BOP1: variants seen among roughly 807,000 people sequenced by gnomAD.
The protein encoded by BOP1 is ribosome biogenesis protein BOP1.
In BOP1, 54 loss-of-function variants were observed where a neutral mutation model predicts 82.9. The ratio of observed to expected loss-of-function variants is 0.65; its 90% CI spans 0.52 to 0.82. The LOEUF is 0.82. Ranked by LOEUF, BOP1 falls within the 40% of genes least tolerant of loss-of-function variation. The probability of loss-of-function intolerance (pLI) is 0.00; values close to 1 mark genes in which losing one functional copy is unlikely to be tolerated. For missense variants in BOP1, 1,170 were observed against 1,072.0 expected, an observed-to-expected ratio of 1.09 and a Z score of -1.28; for synonymous variants, 566 against 451.1, an observed-to-expected ratio of 1.25 and a Z score of -3.23.
intron 3 of BOP1, among the ~76,000 whole-genome samples, chr8:144,269,415 G>A (rs1845453384): frequency 6.6e-6 from 1 of 152,232 alleles, no homozygotes; most frequent in East Asian, 1.9e-4. Context: ...GGGAGACCAG[G>A]TGCTGTGGCC....
intron 2 of BOP1, among the ~76,000 whole-genome samples, chr8:144,288,547 A>T (rs1814947734): frequency 1.3e-5 from 2 of 152,204 alleles, no homozygotes; most frequent in African/African-American, 4.8e-5. Flanking sequence ...AAAAATAAAA[A>T]AAAATAACAA....
chr8:144,281,930 A>G (rs1169412375), intron 2 of BOP1: 1 of 152,260 alleles, frequency 6.6e-6, no homozygotes, highest in East Asian at 1.9e-4. Context: ...AAAAACAGAA[A>G]CTTCTGCACA....
intron 2 of BOP1, among the ~76,000 whole-genome samples, chr8:144,280,721 C>T (rs587758945): frequency 2.4e-4 from 37 of 152,240 alleles, no homozygotes; most frequent in Non-Finnish European, 4.6e-4. Flanking sequence ...GGCTTGGTGG[C>T]GCTCACCTGT....
intron 3 of BOP1, chr8:144,266,683 G>A (rs1430983731): frequency 1.6e-6 from 2 of 1,248,458 alleles, no homozygotes; most frequent in Non-Finnish European, 2.0e-6. Flanking sequence ...CCCGCTGTCG[G>A]AGGACGAGGA....
chr8:144,268,787 G>T (rs1422099477), intron 3 of BOP1, among the ~76,000 whole-genome samples: 1 of 152,116 alleles, frequency 6.6e-6, no homozygotes. Flanking sequence ...AGGCAGGGAC[G>T]CTGTAAGGCA....
At chr8:144,265,148 T>G in intron 3 of BOP1, 77 bp from the exon 4 acceptor site, 1 of 1,540,308 alleles carries the variant, frequency 6.5e-7, no homozygotes. Flanking sequence ...GGGGAGCAGG[T>G]GAGGGGGTTG....
chr8:144,262,458 G>A lies in BOP1; in HGVS notation c.2025C>T (p.Tyr675=). ...CGTCCGAGCCTGACGCAAAGAGTGG[G>A]TACCGCGGGTGGAAGGCCACAGCCC... ...ALRAVAFHPR[Y]PLFASGSDDG... Residue 675 remains tyrosine (Y), a synonymous_variant, in exon 15 of 16, where the codon TAC becomes TAT. Transcript: ENST00000569669. 2 of 1,612,970 alleles carry A rather than the reference G, an allele frequency of 1.2e-6. No homozygotes were observed. Among genetic ancestry groups the A allele is most frequent in the Non-Finnish European group, 1.7e-6 (2 of 1,179,842 alleles).
At chr8:144,266,458 G>C in intron 3 of BOP1, 1 of 971,102 alleles carries the variant, frequency 1.0e-6, no homozygotes, top group Non-Finnish European at 1.2e-6. Flanking sequence ...GCTCCGGCCC[G>C]GGACGCACAT....
chr8:144,267,177 G>T (rs1845392940), intron 3 of BOP1: 2 of 1,526,916 alleles, frequency 1.3e-6, no homozygotes, highest in Non-Finnish European at 8.7e-7. Flanking sequence ...ACCAGAGAAA[G>T]TTGGTGAGCA....
chr8:144,266,481 C>T (rs1386392051), intron 3 of BOP1: 3 of 984,936 alleles, frequency 3.0e-6, no homozygotes, highest in Admixed American at 6.2e-5. Flanking sequence ...GCGCGCGACG[C>T]CCGGCAGCTG....
chr8:144,278,797 C>T (rs144522608), intron 2 of BOP1, among the ~76,000 whole-genome samples: 18 of 152,338 alleles, frequency 1.2e-4, no homozygotes, highest in African/African-American at 4.1e-4. Context: ...CAGAGACAGG[C>T]TGCTATCCAA....
In BOP1 at chr8:144,263,764, GA is replaced by G. The variant is rs1443193395; in HGVS notation, c.1222-4del. ...AGGTCACTGTGGCCCCTGTAGACCT[GA>G]GGAGGCGGCGGCAGTGAGGAGTCAG... On this transcript the variant is annotated splice_polypyrimidine_tract_variant and splice_region_variant and intron_variant, in intron 9 of 15. Coordinates refer to ENST00000569669, the MANE Select transcript of BOP1 (RefSeq NM_015201.5). 5 of 1,582,422 alleles carry G rather than the reference GA, an allele frequency of 3.2e-6. No individual in the cohort carries two copies. In the Admixed American group the frequency reaches 9.0e-5, roughly 29 times the overall value.
chr8:144,277,191 G>A (rs1312733697), intron 2 of BOP1, among the ~76,000 whole-genome samples: 12 of 135,974 alleles, frequency 8.8e-5, no homozygotes, highest in African/African-American at 2.2e-4. Context: ...TCTTCTCTCC[G>A]GCCCGGGCTC....
Position 144,262,850 on chromosome 8 carries a change from C to T in BOP1, c.1894+3G>A. ...TGCAGGGTGCACCGCCCCCACCCCTCACCTGCAGGGTGCACCGCCAGGCTG... is the reference window on the plus strand; with the variant it reads ...TGCAGGGTGCACCGCCCCCACCCCTTACCTGCAGGGTGCACCGCCAGGCTG... On this transcript the variant is annotated splice_donor_region_variant and intron_variant, in intron 13 of 15. Coordinates refer to ENST00000569669, the MANE Select transcript of BOP1 (RefSeq NM_015201.5). The T allele has an allele frequency of 2.1e-6, 3 of 1,455,280 alleles. No homozygotes were observed. Among genetic ancestry groups the T allele is most frequent in the South Asian group, 1.2e-5 (1 of 82,326 alleles). 90.1% of individuals were successfully genotyped at this position (1,455,280 alleles called of 1,614,324 possible).
At position 144,289,248 on chromosome 8, in the gene BOP1, G is replaced by A. The variant is rs1814967666; in HGVS notation, c.156C>T (p.Val52=). The change falls in exon 2 of 16, where the codon GTC becomes GTT. Residue 52 remains valine (V), a synonymous_variant. Coordinates refer to ENST00000569669, the MANE Select transcript of BOP1 (RefSeq NM_015201.5). Reference sequence around the variant, plus strand: ...AGAACACACTTTCCTCGCTGTCGGAGACGCCAGAATCGCTGCCGGTGCTGT... The same window carrying A: ...AGAACACACTTTCCTCGCTGTCGGAAACGCCAGAATCGCTGCCGGTGCTGT... ...LSHSTGSDSG[V]SDSEESVFSG... 1 of 1,614,060 alleles carries A rather than the reference G, an allele frequency of 6.2e-7. No individual in the cohort carries two copies. The highest frequency in any genetic ancestry group is 8.5e-7 in the Non-Finnish European group (1 of 1,179,954).
Position 144,263,609 on chromosome 8 carries a change from G to A in BOP1, c.1293C>T (p.Gly431=), listed in dbSNP as rs1845286761. 2 of 1,608,456 alleles carry A rather than the reference G, an allele frequency of 1.2e-6. No individual in the cohort carries two copies. Among genetic ancestry groups the A allele is most frequent in the South Asian group, 1.1e-5 (1 of 90,934 alleles). The part of the protein sequence containing the change: ...VSPGGQWLVS[G]SDDGSLRLWE... ...AGAGCCGCAGGGAGCCGTCGTCAGA[G>A]CCTGGATGCGGCAGAGACAGCTCTC... is the stretch of plus-strand genomic sequence containing the variant. The change falls in exon 11 of 16, where the codon GGC becomes GGT. Residue 431 remains glycine, a splice_region_variant and synonymous_variant. Coordinates refer to ENST00000569669, the MANE Select transcript of BOP1 (RefSeq NM_015201.5).
intron 2 of BOP1, among the ~76,000 whole-genome samples, chr8:144,277,423 G>A (rs1345290968): frequency 6.6e-6 from 1 of 152,322 alleles, no homozygotes; most frequent in East Asian, 1.9e-4. Context: ...CGCGCACAAG[G>A]GCAGTTCCAC....
At chr8:144,262,360 G>A (rs926666145) in intron 15 of BOP1, 36 bp downstream of exon 15, 7 of 1,612,518 alleles carry the variant, frequency 4.3e-6, no homozygotes, top group Admixed American at 1.7e-5. Flanking sequence ...AGACACCACT[G>A]CCCTGGGGAG....
chr8:144,272,577 G>A (rs1406062596), intron 3 of BOP1, among the ~76,000 whole-genome samples: 2 of 151,996 alleles, frequency 1.3e-5, no homozygotes, highest in Admixed American at 6.5e-5. Flanking sequence ...AGCACCCCCC[G>A]CTGCCCACCC....
Sources: allele counts gnomAD v4.1 joint callset (sites outside exome capture counted in the v4.1 genomes callset), GRCh38; gene constraint gnomAD v4.1.1; transcripts MANE v1.5; gene names NCBI Gene and HGNC (gene_info 2026-07-23, HGNC 2026-07-21).